Variants in TULP4 observed in about 807,000 individuals in gnomAD.
The protein encoded by TULP4 is tubby-related protein 4.
A neutral mutation model predicts 129.0 loss-of-function variants in TULP4; 16 were observed. The observed-to-expected ratio is 0.12, with a 90% CI of 0.08 to 0.19. TULP4 has a LOEUF of 0.19. Among genes scored for constraint, TULP4 ranks in the 10% least tolerant of loss-of-function variants. The pLI, the probability that TULP4 is intolerant of heterozygous loss-of-function variation, is 1.00. For missense variants in TULP4, 1,842 were observed against 2,059.1 expected (o/e 0.89, Z 2.04); for synonymous variants, 998 against 854.0 (o/e 1.17, Z -2.94).
At chr6:158,318,794 C>T (rs1194431376) in intron 1 of TULP4, among the ~76,000 whole-genome samples, 4 of 152,122 alleles carry the variant, frequency 2.6e-5, no homozygotes, top group African/African-American at 9.7e-5. Flanking sequence ...GGCACAATCA[C>T]CGCTCACCGT....
chr6:158,458,715 T>A (rs750684354), intron 5 of TULP4, among the ~76,000 whole-genome samples: 171 of 152,330 alleles, frequency 1.1e-3, no homozygotes, highest in African/African-American at 3.6e-3. Context: ...CTTCTCTTCT[T>A]TATCATAATG....
intron 1 of TULP4, among the ~76,000 whole-genome samples, chr6:158,383,340 GC>G (rs1418469801): frequency 3.3e-5 from 5 of 152,304 alleles, no homozygotes; most frequent in Non-Finnish European, 7.3e-5. Context: ...CAGTTTCTCT[GC>G]TGTAACATGG....
chr6:158,431,748 C>T (rs1778633276), intron 3 of TULP4, among the ~76,000 whole-genome samples: 1 of 152,034 alleles, frequency 6.6e-6, no homozygotes, highest in Non-Finnish European at 1.5e-5. Context: ...TTTCCTGCTG[C>T]CGTGGAACGT....
chr6:158,385,038 G>A (rs1035647799), intron 1 of TULP4, among the ~76,000 whole-genome samples: 8 of 152,140 alleles, frequency 5.3e-5, no homozygotes, highest in African/African-American at 1.9e-4. Flanking sequence ...TAAGGCAAAT[G>A]ACCTGATGCT....
At chr6:158,274,768 C>G (rs1778613262) in intron 1 of TULP4, among the ~76,000 whole-genome samples, 1 of 152,138 alleles carries the variant, frequency 6.6e-6, no homozygotes, top group South Asian at 2.1e-4. Flanking sequence ...CAGAGCGAGA[C>G]TCCGTCTCAA....
In TULP4 at chr6:158,427,471, C is replaced by CTTTTTTTTTTTTTTTT. The variant is rs557678837; in HGVS notation, c.382-2239_382-2224dup. On this transcript the variant is annotated intron_variant, in intron 2 of 13. Coordinates refer to ENST00000367097, the MANE Select transcript of TULP4 (RefSeq NM_020245.5). ...AAATTCCTTTTCAAAATTATCAGAC[C>CTTTTTTTTTTTTTTTT]TTTTTTTTTTTTTTTTTTTTTTTTT... Among the ~76,000 whole-genome samples, 46 of 74,130 alleles carry CTTTTTTTTTTTTTTTT rather than the reference C, an allele frequency of 6.2e-4. 7 individuals are homozygous for CTTTTTTTTTTTTTTTT. Among genetic ancestry groups the CTTTTTTTTTTTTTTTT allele is most frequent in the Middle Eastern group, 8.8e-3 (1 of 114 alleles). The allele number at this position is 74,130 out of a possible 152,430, so 48.6% of individuals were successfully genotyped here. A position where few individuals can be genotyped will look rare whatever the true frequency, so the allele number is the denominator to read the frequency against.
intron 1 of TULP4, among the ~76,000 whole-genome samples, chr6:158,237,105 G>A (rs907635709): frequency 6.6e-6 from 1 of 151,804 alleles, no homozygotes; most frequent in Non-Finnish European, 1.5e-5. Flanking sequence ...CACCGTGCCC[G>A]GCCATATTTT....
At position 158,506,727 on chromosome 6, in the gene TULP4, G is replaced by C; in HGVS notation, c.*33G>C. Reference sequence around the variant, plus strand: ...GGTGTGGGGAGGAGAGAGATGCAGAGAGCCTTTGGAAGAGGTCTTCGGAGA... The same window carrying C: ...GGTGTGGGGAGGAGAGAGATGCAGACAGCCTTTGGAAGAGGTCTTCGGAGA... On this transcript the variant is annotated 3_prime_UTR_variant, in exon 14 of 14. Coordinates refer to ENST00000367097, the MANE Select transcript of TULP4 (RefSeq NM_020245.5). 1 of 1,460,014 alleles carries C rather than the reference G, an allele frequency of 6.8e-7. No individual in the cohort carries two copies. The highest frequency in any genetic ancestry group is 9.6e-7 in the Non-Finnish European group (1 of 1,041,062). 90.4% of individuals were successfully genotyped at this position (1,460,014 alleles called of 1,614,324 possible).
At chr6:158,401,271 A>G (rs553172647) in intron 1 of TULP4, among the ~76,000 whole-genome samples, 1 of 152,154 alleles carries the variant, frequency 6.6e-6, no homozygotes, top group Admixed American at 6.5e-5. Flanking sequence ...ACGGGGTTTC[A>G]CCGTGTTGCC....
At position 158,433,146 on chromosome 6, in the gene TULP4, C is replaced by T. The variant is rs531441006; in HGVS notation, c.543+3249C>T. On this transcript the variant is annotated intron_variant, in intron 3 of 13. Transcript: ENST00000367097. ...AGTCTTTTAGTCTAGAACAGTTTCC[C>T]GTTTTTTAAATTGACTTTTTCATGA... is the stretch of plus-strand genomic sequence containing the variant. Among the ~76,000 whole-genome samples the T allele has an allele frequency of 1.1e-3, 163 of 152,236 alleles. 2 individuals are homozygous for T. In the South Asian group the frequency reaches 0.025, roughly 23 times the overall value.
intron 1 of TULP4, among the ~76,000 whole-genome samples, chr6:158,392,794 C>CTTTTTTTTTCTTTTTTTT (rs1777615562): frequency 1.8e-5 from 1 of 54,640 alleles, no homozygotes; most frequent in Non-Finnish European, 3.0e-5. Context: ...ATTTGTATTT[C>CTTTTTTTTTCTTTTTTTT]TTTTTTTTTT....
In TULP4 at chr6:158,330,779, T is replaced by C. The variant is rs76081759; in HGVS notation, c.252+16511T>C. The stretch of plus-strand genomic sequence containing the variant: ...CCACACACTGCATTTAGTTGTTAGG[T>C]ATCTTTAGACCCCTGTAATCTGGAA... On this transcript the variant is annotated intron_variant, in intron 1 of 13. Coordinates refer to ENST00000367097, the MANE Select transcript of TULP4 (RefSeq NM_020245.5). 4.3e-4 allele frequency among the ~76,000 whole-genome samples: 66 copies of C among 152,358 alleles called. No homozygotes were observed. In the East Asian group the frequency reaches 0.011, roughly 26 times the overall value.
chr6:158,350,272 A>T (rs6909098), intron 1 of TULP4, among the ~76,000 whole-genome samples: 2 of 4,450 alleles, frequency 4.5e-4, no homozygotes, highest in Non-Finnish European at 1.0e-3. Flanking sequence ...GGCTCCTCAC[A>T]TCCCAGACGA....
intron 1 of TULP4, among the ~76,000 whole-genome samples, chr6:158,293,247 A>G (rs1778975515): frequency 6.6e-6 from 1 of 152,180 alleles, no homozygotes; most frequent in Non-Finnish European, 1.5e-5. Context: ...TTGGCAGTGG[A>G]CCTGTGGCCC....
At chr6:158,271,149 CAA>C (rs1220844247) in intron 1 of TULP4, among the ~76,000 whole-genome samples, 73 of 78,978 alleles carry the variant, frequency 9.2e-4, no homozygotes, top group East Asian at 2.0e-3. Context: ...GACTCTGTCT[CAA>C]AAAAAAAAAA....
Position 158,238,206 on chromosome 6 carries a change from G to C in TULP4, n.68+5903G>C. ...GAAATTTTCAACTGTGCCATGGTCA[G>C]CTTAATTTCAATTGCATTTTCTTGA... is the stretch of plus-strand genomic sequence containing the variant. On this transcript the variant is annotated intron_variant and non_coding_transcript_variant, in intron 1 of 1. Coordinates refer to the TULP4 transcript ENST00000620026. 5 of 827,038 alleles carry C rather than the reference G, an allele frequency of 6.0e-6. No individual in the cohort carries two copies. In the South Asian group the frequency reaches 6.7e-5, roughly 11 times the overall value. The allele number at this position is 827,038 out of a possible 1,614,324, so 51.2% of individuals were successfully genotyped here. A position where few individuals can be genotyped will look rare whatever the true frequency, so the allele number is the denominator to read the frequency against.
At chr6:158,376,983 G>A (rs1777205331) in intron 1 of TULP4, among the ~76,000 whole-genome samples, 1 of 152,212 alleles carries the variant, frequency 6.6e-6, no homozygotes, top group South Asian at 2.1e-4. Context: ...CTGCTTGTCT[G>A]AGACACTGTT....
chr6:158,331,788 C>CGTATAT (rs1779900021), intron 1 of TULP4, among the ~76,000 whole-genome samples: 1 of 88,318 alleles, frequency 1.1e-5, no homozygotes. Flanking sequence ...TACACACACA[C>CGTATAT]ATACCTACAT....
intron 6 of TULP4, among the ~76,000 whole-genome samples, chr6:158,475,964 G>T (rs181815879): frequency 3.3e-5 from 5 of 152,148 alleles, no homozygotes; most frequent in Non-Finnish European, 7.3e-5. Flanking sequence ...ACTTACAGGG[G>T]TCCTGAGAAG....
Sources: gnomAD v4.1 joint callset for allele counts (sites outside exome capture counted in the v4.1 genomes callset) on GRCh38, gnomAD v4.1.1 for gene constraint, MANE v1.5 for transcripts, NCBI Gene and HGNC (gene_info 2026-07-23, HGNC 2026-07-21) for gene names.